Variants in LARP4B observed in about 807,000 individuals in gnomAD.
The protein encoded by LARP4B is La ribonucleoprotein 4B.
Under a neutral mutation model 89.8 loss-of-function variants are expected in LARP4B, and 12 were observed. The observed-to-expected ratio is 0.13, with a 90% CI of 0.09 to 0.22. The LOEUF (loss-of-function observed/expected upper bound fraction) is 0.22. Ranked by LOEUF, LARP4B falls within the 10% of genes least tolerant of loss-of-function variation. The pLI, the probability that LARP4B is intolerant of heterozygous loss-of-function variation, is 1.00. For synonymous variants in LARP4B, 367 were observed against 363.3 expected, an observed-to-expected ratio of 1.01 and a Z score of -0.12; for missense variants, 757 against 947.7, an observed-to-expected ratio of 0.80 and a Z score of 2.64.
intron 3 of LARP4B, among the ~76,000 whole-genome samples, chr10:864,561 G>A (rs1429152608): frequency 2.0e-5 from 3 of 152,148 alleles, no homozygotes; most frequent in Non-Finnish European, 4.4e-5. Context: ...AACTATACCT[G>A]AGGAATAGCT....
chr10:927,923 A>G (rs760194181), intron 1 of LARP4B, among the ~76,000 whole-genome samples: 1 of 152,214 alleles, frequency 6.6e-6, no homozygotes, highest in Non-Finnish European at 1.5e-5. Context: ...TAAAACTTGT[A>G]CCTTTGGCCA....
the LARP4B span, among the ~76,000 whole-genome samples, chr10:955,758 G>A: frequency 6.6e-6 from 1 of 152,030 alleles, no homozygotes; most frequent in East Asian, 1.9e-4. The surrounding 1 kb of genome is among the most constrained non-coding windows in gnomAD (Gnocchi z 5.2). Flanking sequence ...AGTAAGGACT[G>A]CCCTATTCAC....
At chr10:874,325 C>T (rs986747559) in intron 3 of LARP4B, among the ~76,000 whole-genome samples, 4 of 152,094 alleles carry the variant, frequency 2.6e-5, no homozygotes, top group African/African-American at 4.8e-5. Context: ...TGGTATTATT[C>T]GCTCCACTTC....
At chr10:861,072 C>T (rs11253474) in intron 5 of LARP4B, among the ~76,000 whole-genome samples, 57,255 of 151,884 alleles carry the variant, frequency 0.38, 11,327 homozygotes, top group South Asian at 0.61. Context: ...AGGAGAATGG[C>T]GTGAACCCGG....
chr10:887,688 G>A (rs892770678), intron 1 of LARP4B, among the ~76,000 whole-genome samples: 12 of 151,786 alleles, frequency 7.9e-5, no homozygotes, highest in African/African-American at 2.9e-4. Flanking sequence ...TACAGCCTGG[G>A]CAACAGAGTG....
intron 1 of LARP4B, among the ~76,000 whole-genome samples, chr10:900,324 C>G (rs554246562): frequency 2.0e-5 from 3 of 148,772 alleles, no homozygotes; most frequent in African/African-American, 7.4e-5. Flanking sequence ...TCCAGCCTGG[C>G]AACAAGAACA....
the LARP4B span, among the ~76,000 whole-genome samples, chr10:956,369 A>G: frequency 3.3e-5 from 5 of 151,316 alleles, no homozygotes; most frequent in Non-Finnish European, 5.9e-5. The surrounding 1 kb of genome is among the most constrained non-coding windows in gnomAD (Gnocchi z 4.3). Flanking sequence ...TTTTTGAGAC[A>G]GAGTCTCACT....
In LARP4B at chr10:812,878, G is replaced by A. The variant is rs369739919; in HGVS notation, c.*48C>T. Reference sequence around the variant, plus strand: ...CTCGCACTGAGTGGGAGAGTGTCTCGTTTGTGGTTAACACAGCGCTCTGCG... The same window carrying A: ...CTCGCACTGAGTGGGAGAGTGTCTCATTTGTGGTTAACACAGCGCTCTGCG... On this transcript the variant is annotated 3_prime_UTR_variant, in exon 18 of 18. Coordinates refer to ENST00000316157, the MANE Select transcript of LARP4B (RefSeq NM_015155.3). The A allele has an allele frequency of 8.2e-5, 122 of 1,485,270 alleles. No homozygotes were observed. In the South Asian group the frequency reaches 1.3e-3, roughly 16 times the overall value. The allele number at this position is 1,485,270 out of a possible 1,614,324, so 92.0% of individuals were successfully genotyped here.
rs565182256 is a variant in LARP4B, at chr10:814,427, G to A, written c.1929+315C>T. 9.6e-6 allele frequency: 4 copies of A among 414,908 alleles called. No homozygotes were observed. Among genetic ancestry groups the A allele is most frequent in the East Asian group, 5.9e-5 (1 of 16,856 alleles). The allele number at this position is 414,908 out of a possible 1,614,324, so 25.7% of individuals were successfully genotyped here. A position where few individuals can be genotyped will look rare whatever the true frequency, so the allele number is the denominator to read the frequency against. The stretch of plus-strand genomic sequence containing the variant: ...CACGCACGCAAACATACACACACGC[G>A]CGAAATGCTGAAATGATCCTAAAGT... On this transcript the variant is annotated intron_variant, in intron 17 of 17. Transcript: ENST00000316157. The surrounding 1 kb of genome is among the most constrained non-coding windows in gnomAD (Gnocchi z 4.4).
At position 896,438 on chromosome 10, in the gene LARP4B, G is replaced by C. The variant is rs549599755; in HGVS notation, c.-39-10678C>G. ...TTCAACCAAAATAACACAGTACTAA[G>C]AGATGAAATGCAAAAGCAGACAAGA... On this transcript the variant is annotated intron_variant, in intron 1 of 17. Transcript: ENST00000316157. 2.0e-5 allele frequency among the ~76,000 whole-genome samples: 3 copies of C among 152,232 alleles called. No homozygotes were observed. The East Asian group carries it at 5.8e-4, about 29-fold the overall frequency.
chr10:958,824 C>T, the LARP4B span, among the ~76,000 whole-genome samples: 1 of 152,228 alleles, frequency 6.6e-6, no homozygotes, highest in East Asian at 1.9e-4. Flanking sequence ...AGGCCTGCTG[C>T]CCACATCACC....
chr10:964,454 C>G, the LARP4B span, among the ~76,000 whole-genome samples: 8 of 151,978 alleles, frequency 5.3e-5, no homozygotes, highest in African/African-American at 1.9e-4. Context: ...AGGGCACAGT[C>G]CCCAGAAATC....
At chr10:876,188 C>G (rs746143214) in intron 3 of LARP4B, among the ~76,000 whole-genome samples, 5 of 152,090 alleles carry the variant, frequency 3.3e-5, no homozygotes, top group Non-Finnish European at 5.9e-5. Flanking sequence ...AAGTTCGAGA[C>G]CAGCCTGACC....
At chr10:818,013 T>A (rs925603336) in intron 14 of LARP4B, 124 bp from the exon 15 acceptor site, 9 of 945,520 alleles carry the variant, frequency 9.5e-6, no homozygotes, top group Non-Finnish European at 1.3e-5. Flanking sequence ...GACAAGGGCT[T>A]CCTCACTCAA....
chr10:888,877 A>G (rs1485503544), intron 1 of LARP4B, among the ~76,000 whole-genome samples: 1 of 152,180 alleles, frequency 6.6e-6, no homozygotes, highest in Non-Finnish European at 1.5e-5. Context: ...CTTGAGCCCA[A>G]GAGTTGGAGA....
intron 3 of LARP4B, among the ~76,000 whole-genome samples, chr10:869,392 C>A (rs1033170857): frequency 6.6e-6 from 1 of 152,072 alleles, no homozygotes; most frequent in Non-Finnish European, 1.5e-5. Flanking sequence ...AATTCACAGA[C>A]AGAAAAAAGT....
chr10:878,536 A>T (rs1269571309), intron 3 of LARP4B, among the ~76,000 whole-genome samples: 1 of 152,206 alleles, frequency 6.6e-6, no homozygotes, highest in African/African-American at 2.4e-5. Context: ...ATTGCTGCCA[A>T]AACTGAAAAT....
intron 1 of LARP4B, among the ~76,000 whole-genome samples, chr10:894,005 A>ACAGT (rs1196648045): frequency 3.3e-5 from 5 of 152,208 alleles, no homozygotes; most frequent in Admixed American, 2.0e-4. Flanking sequence ...GGCAAGAACC[A>ACAGT]CAGTCAATGG....
At chr10:883,918 A>C (rs1328661854) in intron 3 of LARP4B, among the ~76,000 whole-genome samples, 1 of 152,224 alleles carries the variant, frequency 6.6e-6, no homozygotes, top group Non-Finnish European at 1.5e-5. Flanking sequence ...GCAATTTATA[A>C]GATCCTTTGA....
Sources: gnomAD v4.1 joint callset for allele counts (sites outside exome capture counted in the v4.1 genomes callset) on GRCh38, gnomAD v4.1.1 for gene constraint, Gnocchi (gnomAD v3.1) non-coding constraint, MANE v1.5 for transcripts, NCBI Gene and HGNC (gene_info 2026-07-23, HGNC 2026-07-21) for gene names.